Variants in GREB1 observed in about 807,000 individuals in gnomAD.
GREB1 encodes growth regulating estrogen receptor binding 1, also known as protein GREB1.
A neutral mutation model predicts 200.7 loss-of-function variants in GREB1; 106 were observed. The ratio of observed to expected loss-of-function variants is 0.53; its 90% CI spans 0.45 to 0.62. GREB1 has a LOEUF of 0.62. Among genes scored for constraint, GREB1 ranks in the 20% least tolerant of loss-of-function variants. GREB1 has a pLI of 0.00. For synonymous variants in GREB1, 1,132 were observed against 1,092.4 expected (o/e 1.04, Z -0.72); for missense variants, 2,243 against 2,556.8 (o/e 0.88, Z 2.65).
At chr2:11,631,116 C>T (rs1018265205) in intron 26 of GREB1, among the ~76,000 whole-genome samples, 13 of 152,358 alleles carry the variant, frequency 8.5e-5, no homozygotes, top group African/African-American at 3.1e-4. Flanking sequence ...CTCCACTCAC[C>T]TTCCAGCCTT....
In GREB1 at chr2:11,637,766, G is replaced by A. The variant is rs202111413; in HGVS notation, c.5397G>A (p.Pro1799=). Residue 1799 remains proline, a synonymous_variant, in exon 31 of 33, where the codon CCG becomes CCA. Transcript: ENST00000381486. ...AVVPAQYICA[P]DSKHTFLAAP... is the part of the protein sequence containing the mutation. ...TGCCGGCCCAGTACATCTGTGCCCC[G>A]GACAGCAAGCACACGTTCCTCGCAG... 265 of 1,613,916 alleles carry A rather than the reference G, an allele frequency of 1.6e-4. 1 individual carries two copies. In the African/African-American group the frequency reaches 2.3e-3, roughly 14 times the overall value.
At chr2:11,631,046 G>A (rs1344107376) in intron 26 of GREB1, among the ~76,000 whole-genome samples, 1 of 152,188 alleles carries the variant, frequency 6.6e-6, no homozygotes. Context: ...CCACGGGCTG[G>A]GGTTGGGTGT....
chr2:11,578,517 A>G, intron 6 of GREB1, 86 bp downstream of exon 6: 1 of 1,367,096 alleles, frequency 7.3e-7, no homozygotes, highest in Non-Finnish European at 1.0e-6. Context: ...GCCGTCAAGC[A>G]TTCTTCAAAA....
At chr2:11,588,278 G>A in intron 9 of GREB1, 1 of 1,072,422 alleles carries the variant, frequency 9.3e-7, no homozygotes, top group Non-Finnish European at 1.1e-6. Context: ...GTGATATATT[G>A]TCCCAACTCA....
chr2:11,596,270 G>A (rs570987596), intron 13 of GREB1, 31 bp downstream of exon 13: 10 of 1,604,012 alleles, frequency 6.2e-6, no homozygotes, highest in African/African-American at 1.3e-5. Context: ...TCCCAGGGTG[G>A]AGAGGGTACA....
chr2:11,515,779 G>A (rs1673478231), intron 1 of GREB1, among the ~76,000 whole-genome samples: 1 of 152,222 alleles, frequency 6.6e-6, no homozygotes, highest in Admixed American at 6.5e-5. Flanking sequence ...GAGAGCAAAG[G>A]CTAAAATCCT....
chr2:11,542,835 C>G (rs2148531796), intron 1 of GREB1: 1 of 152,718 alleles, frequency 6.5e-6, no homozygotes, highest in Non-Finnish European at 1.5e-5. Context: ...CAGGTAATAC[C>G]TGGGGCAGTG....
chr2:11,634,684 G>C (rs926589185), intron 29 of GREB1, among the ~76,000 whole-genome samples: 2 of 152,176 alleles, frequency 1.3e-5, no homozygotes, highest in African/African-American at 4.8e-5. Flanking sequence ...TCTAGTCGCA[G>C]AAGTGCTCAC....
intron 1 of GREB1, among the ~76,000 whole-genome samples, chr2:11,485,259 T>TTATTTTATTTTATATATA (rs1368326346): frequency 1.6e-5 from 2 of 124,194 alleles, no homozygotes; most frequent in African/African-American, 6.5e-5. Flanking sequence ...TTATTTTATT[T>TTATTTTATTTTATATATA]TATATATATA....
rs961971363 is a variant in GREB1, at chr2:11,508,095, TTTC to T, written c.-159+25725_-159+25727del. ...CATTTCGCCTATGGTAGAGGTTTGCTTTCTTCTTCTTCTGAGAGAAGGAGAAAC... is the reference window on the plus strand; with the variant it reads ...CATTTCGCCTATGGTAGAGGTTTGCTTTCTTCTTCTGAGAGAAGGAGAAAC... On this transcript the variant is annotated intron_variant, in intron 1 of 2. Transcript: ENST00000628795. Among the ~76,000 whole-genome samples the T allele has an allele frequency of 3.5e-4, 53 of 152,190 alleles. 3 individuals carry two copies. The highest frequency in any genetic ancestry group is 9.7e-5 in the African/African-American group (4 of 41,448).
chr2:11,638,388 G>A (rs1243950110), intron 31 of GREB1, among the ~76,000 whole-genome samples: 1 of 152,072 alleles, frequency 6.6e-6, no homozygotes, highest in Non-Finnish European at 1.5e-5. Flanking sequence ...GGATCCACCC[G>A]CCTCGGCCTC....
At chr2:11,486,350 C>T (rs1005281203) in intron 1 of GREB1, among the ~76,000 whole-genome samples, 25 of 152,076 alleles carry the variant, frequency 1.6e-4, no homozygotes, top group African/African-American at 5.8e-4. Context: ...GAGATGAGGT[C>T]TCACTATGTT....
chr2:11,584,539 C>T (rs756781106), intron 7 of GREB1, among the ~76,000 whole-genome samples: 2 of 152,156 alleles, frequency 1.3e-5, no homozygotes, highest in Non-Finnish European at 2.9e-5. Flanking sequence ...TGGAATATGT[C>T]GATAACAATA....
rs1288302029 is a variant in GREB1 at position 11,556,619 on chromosome 2, G to A, written c.5G>A (p.Gly2Glu). 1 of 1,608,472 alleles carries A rather than the reference G, an allele frequency of 6.2e-7. No individual in the cohort carries two copies. Among genetic ancestry groups the A allele is most frequent in the Non-Finnish European group, 8.5e-7 (1 of 1,177,144 alleles). The change falls in exon 2 of 33, where the codon GGA (glycine) becomes GAA (glutamate). Residue 2 changes from glycine (G) to glutamate (E), a missense_variant. Transcript: ENST00000381486. ...GAAGACTCCATCCTCTTGAAGATGGGAAATTCTTACGCTGGACAGCTGAAG... is the reference window on the plus strand; with the variant it reads ...GAAGACTCCATCCTCTTGAAGATGGAAAATTCTTACGCTGGACAGCTGAAG... The part of the protein sequence containing the change: M[G>E]NSYAGQLKTT...
chr2:11,568,632 G>A (rs889911555), intron 4 of GREB1, among the ~76,000 whole-genome samples: 5 of 152,258 alleles, frequency 3.3e-5, no homozygotes, highest in African/African-American at 1.2e-4. Context: ...GGCGGTGGCC[G>A]GGGATTCATC....
chr2:11,537,130 T>C, intron 1 of GREB1, among the ~76,000 whole-genome samples: 1 of 151,970 alleles, frequency 6.6e-6, no homozygotes, highest in African/African-American at 2.4e-5. Flanking sequence ...GCCTGGCTGA[T>C]TTTTGCATTT....
In GREB1 at chr2:11,551,740, G is replaced by A. The variant is rs184202371; in HGVS notation, c.-161-4714G>A. Among the ~76,000 whole-genome samples the A allele has an allele frequency of 3.8e-3, 580 of 152,160 alleles. 4 individuals carry two copies. The highest frequency in any genetic ancestry group is 0.017 in the Middle Eastern group (5 of 294). On this transcript the variant is annotated intron_variant, in intron 1 of 32. Transcript: ENST00000381486. ...GTGGTTAGGATTCAGCGCTCCCACC[G>A]CCGCAGCCCGGGTTCGATTCCCGGT...
chr2:11,587,285 C>G, intron 9 of GREB1: 1 of 913,262 alleles, frequency 1.1e-6, no homozygotes, highest in South Asian at 1.3e-5. Context: ...ATTCCCTTTC[C>G]TCTGCCCCCC....
intron 4 of GREB1, among the ~76,000 whole-genome samples, chr2:11,574,994 A>C (rs1449681457): frequency 1.3e-5 from 2 of 152,240 alleles, no homozygotes; most frequent in Non-Finnish European, 2.9e-5. Flanking sequence ...AGATGTGCTC[A>C]AAGTAGATCA....
Sources: allele counts gnomAD v4.1 joint callset (sites outside exome capture counted in the v4.1 genomes callset), GRCh38; gene constraint gnomAD v4.1.1; transcripts MANE v1.5; gene names NCBI Gene and HGNC (gene_info 2026-07-23, HGNC 2026-07-21).